SLC39A12: variants seen among roughly 807,000 people sequenced by gnomAD.
The protein encoded by SLC39A12 is zinc transporter ZIP12.
SLC39A12 carries 63 observed loss-of-function variants against 71.1 expected under a neutral mutation model. The ratio of observed to expected loss-of-function variants is 0.89; its 90% CI spans 0.72 to 1.09. The LOEUF is 1.09. SLC39A12 is among the 50% of genes least tolerant of loss of function. SLC39A12 has a pLI of 0.00. For missense variants in SLC39A12, 892 were observed against 812.6 expected (o/e 1.10, Z -1.19); for synonymous variants, 351 against 301.3 (o/e 1.16, Z -1.71).
chr10:17,965,695 G>GGA lies in SLC39A12; in HGVS notation c.751+6_751+7dup, dbSNP rs758634521. ...CGAATACCCTCCGCCTATCAGGTAA[G>GGA]GATGTTTTCACGAATTTAACTTCCA... On this transcript the variant is annotated splice_donor_region_variant and intron_variant, in intron 4 of 12. Coordinates refer to ENST00000377369, the MANE Select transcript of SLC39A12 (RefSeq NM_001145195.2). 18 of 1,604,264 alleles carry GGA rather than the reference G, an allele frequency of 1.1e-5. No homozygotes were observed. The highest frequency in any genetic ancestry group is 2.7e-5 in the African/African-American group (2 of 74,780).
chr10:18,036,792 A>ATTTTTTTTTTTTTTTT (rs1176352939), intron 12 of SLC39A12, among the ~76,000 whole-genome samples: 2 of 84,648 alleles, frequency 2.4e-5, no homozygotes, highest in Non-Finnish European at 2.2e-5. Context: ...ATATATATAT[A>ATTTTTTTTTTTTTTTT]TATTTTTTTT....
chr10:18,008,627 T>G (rs911684888), intron 12 of SLC39A12: 2 of 152,134 alleles, frequency 1.3e-5, no homozygotes, highest in Non-Finnish European at 1.5e-5. Flanking sequence ...GACCACTACT[T>G]TCTTGTATTC....
chr10:18,039,892 A>G (rs976542548), intron 12 of SLC39A12, among the ~76,000 whole-genome samples: 3 of 152,218 alleles, frequency 2.0e-5, no homozygotes, highest in African/African-American at 7.2e-5. Flanking sequence ...TTGAATTAAT[A>G]TCAAGGCATT....
chr10:18,010,511 A>G (rs1433004230), intron 12 of SLC39A12: 1 of 152,258 alleles, frequency 6.6e-6, no homozygotes, highest in Non-Finnish European at 1.5e-5. Flanking sequence ...AAAAGCAAGA[A>G]GGGTGAATCA....
chr10:18,017,873 C>T (rs1034262735), intron 12 of SLC39A12, among the ~76,000 whole-genome samples: 5 of 152,152 alleles, frequency 3.3e-5, no homozygotes, highest in Non-Finnish European at 7.3e-5. Context: ...TTATGGATTT[C>T]TTCCACTCCA....
chr10:17,962,677 C>T (rs879960965), intron 3 of SLC39A12, among the ~76,000 whole-genome samples: 6 of 151,926 alleles, frequency 3.9e-5, no homozygotes, highest in Non-Finnish European at 8.8e-5. Flanking sequence ...TCAATTCTGG[C>T]ATTCTGAAGC....
intron 12 of SLC39A12, among the ~76,000 whole-genome samples, chr10:18,037,611 A>G (rs954767966): frequency 6.8e-6 from 1 of 146,734 alleles, no homozygotes; most frequent in South Asian, 2.1e-4. Flanking sequence ...GGGGGGAAAT[A>G]TATATGTAAG....
chr10:17,956,328 GACAT>G, intron 2 of SLC39A12, among the ~76,000 whole-genome samples: 1 of 152,194 alleles, frequency 6.6e-6, no homozygotes, highest in East Asian at 1.9e-4. Context: ...GGATCCCATG[GACAT>G]ACATGTTCTT....
intron 8 of SLC39A12, among the ~76,000 whole-genome samples, chr10:17,991,763 A>G (rs1835553397): frequency 6.6e-6 from 1 of 152,132 alleles, no homozygotes; most frequent in Non-Finnish European, 1.5e-5. Flanking sequence ...AGCTTTAGTA[A>G]TTTCTTTTAT....
chr10:18,000,937 T>A, intron 11 of SLC39A12, 112 bp downstream of exon 11: 1 of 1,015,322 alleles, frequency 9.8e-7, no homozygotes. Flanking sequence ...AGATGAATAC[T>A]TTCCTTTTAT....
intron 7 of SLC39A12, among the ~76,000 whole-genome samples, chr10:17,990,008 C>T (rs1050795444): frequency 1.3e-5 from 2 of 152,134 alleles, no homozygotes; most frequent in African/African-American, 4.8e-5. Context: ...TGATCTGTGG[C>T]AAGTTTTCAA....
chr10:18,024,573 T>C (rs1836622666), intron 12 of SLC39A12, among the ~76,000 whole-genome samples: 1 of 152,176 alleles, frequency 6.6e-6, no homozygotes, highest in African/African-American at 2.4e-5. Flanking sequence ...CATGCCCTCC[T>C]GGATGATCTA....
At chr10:18,010,341 G>C (rs1273462531) in intron 12 of SLC39A12, among the ~76,000 whole-genome samples, 2 of 152,124 alleles carry the variant, frequency 1.3e-5, no homozygotes, top group East Asian at 1.9e-4. Flanking sequence ...AAGTAACCTT[G>C]ATATACGTAT....
At chr10:17,984,757 C>T (rs1835358675) in intron 6 of SLC39A12, among the ~76,000 whole-genome samples, 1 of 152,186 alleles carries the variant, frequency 6.6e-6, no homozygotes, top group African/African-American at 2.4e-5. Context: ...TCAGTATATT[C>T]ACATTGTTGT....
At chr10:17,972,975 T>A (rs1325929520) in intron 4 of SLC39A12, among the ~76,000 whole-genome samples, 3 of 152,258 alleles carry the variant, frequency 2.0e-5, no homozygotes, top group Non-Finnish European at 4.4e-5. Flanking sequence ...AGTTTCTTGC[T>A]TTTATTTTTA....
At chr10:18,022,132 G>A (rs1239805337) in intron 12 of SLC39A12, among the ~76,000 whole-genome samples, 3 of 152,036 alleles carry the variant, frequency 2.0e-5, no homozygotes, top group Non-Finnish European at 4.4e-5. Flanking sequence ...TTGCAAGGGT[G>A]CTCTTCTCTG....
chr10:17,984,926 T>C lies in SLC39A12; in HGVS notation c.1097-2553T>C, dbSNP rs147902597. The stretch of plus-strand genomic sequence containing the variant: ...ACGGGAACAGATGCTTAAAAGTTTT[T>C]TGCCTCTTCTGAGTATACTGCCAAC... On this transcript the variant is annotated intron_variant, in intron 6 of 12. Transcript: ENST00000377369. 5.6e-3 allele frequency among the ~76,000 whole-genome samples: 849 copies of C among 152,330 alleles called. 7 individuals carry two copies. The highest frequency in any genetic ancestry group is 9.4e-3 in the Non-Finnish European group (637 of 68,032).
At chr10:18,015,970 C>T (rs1475734758) in intron 12 of SLC39A12, among the ~76,000 whole-genome samples, 1 of 152,096 alleles carries the variant, frequency 6.6e-6, no homozygotes, top group Non-Finnish European at 1.5e-5. Context: ...CCCACACATG[C>T]ACAACCACCC....
chr10:18,013,705 C>T (rs1836298634), intron 12 of SLC39A12, among the ~76,000 whole-genome samples: 1 of 152,064 alleles, frequency 6.6e-6, no homozygotes. Flanking sequence ...GTTTCCCCAG[C>T]ACCATCTCTT....
Sources: allele counts gnomAD v4.1 joint callset (sites outside exome capture counted in the v4.1 genomes callset), GRCh38; gene constraint gnomAD v4.1.1; transcripts MANE v1.5; gene names NCBI Gene and HGNC (gene_info 2026-07-23, HGNC 2026-07-21).